The following SCOC variants were observed in gnomAD, a reference collection of about 807,000 sequenced individuals.
SCOC encodes the protein short coiled coil protein.
A neutral mutation model predicts 9.9 loss-of-function variants in SCOC; 7 were observed. That is an observed-to-expected ratio of 0.71 (90% CI 0.40 to 1.33). SCOC has a LOEUF of 1.33. Ranked by LOEUF, SCOC falls within the 40% of genes most tolerant of loss-of-function variation. SCOC has a pLI of 0.01. For missense variants in SCOC, 66 were observed against 89.7 expected, an observed-to-expected ratio of 0.74 and a Z score of 1.07; for synonymous variants, 19 against 28.2, an observed-to-expected ratio of 0.67 and a Z score of 1.03.
intron 1 of SCOC, among the ~76,000 whole-genome samples, chr4:140,313,216 T>C (rs1293715636): frequency 6.6e-6 from 1 of 152,202 alleles, no homozygotes; most frequent in Non-Finnish European, 1.5e-5. Flanking sequence ...CTGAAGTTTA[T>C]CCTGTAAGCA....
chr4:140,292,609 C>G (rs1193551452), intron 1 of SCOC, among the ~76,000 whole-genome samples: 1 of 152,184 alleles, frequency 6.6e-6, no homozygotes, highest in African/African-American at 2.4e-5. Flanking sequence ...GAAATTTCAT[C>G]TTAGTTATTG....
chr4:140,370,787 T>TA (rs2126579723), upstream of SCOC, among the ~76,000 whole-genome samples: 1 of 152,350 alleles, frequency 6.6e-6, no homozygotes, highest in Non-Finnish European at 1.5e-5. Context: ...AAACATTTTT[T>TA]AAAAACCTTT....
At chr4:140,267,695 G>A (rs577323554) in intron 1 of SCOC, among the ~76,000 whole-genome samples, 11 of 152,166 alleles carry the variant, frequency 7.2e-5, no homozygotes, top group East Asian at 3.9e-4. Context: ...TGGAGACTCC[G>A]CGAGGCACCC....
At chr4:140,311,496 G>T (rs1732154501) in intron 1 of SCOC, among the ~76,000 whole-genome samples, 1 of 152,114 alleles carries the variant, frequency 6.6e-6, no homozygotes, top group Admixed American at 6.5e-5. Flanking sequence ...CATCCTAGAT[G>T]AATTCTTAGG....
chr4:140,381,241 A>C lies in SCOC; in HGVS notation c.*137A>C, dbSNP rs1728563363. On this transcript the variant is annotated 3_prime_UTR_variant, in exon 4 of 4. Transcript: ENST00000608372. ...GATAATGTCAGATGTAGACAAAAAT[A>C]ACACAATAACAGGAGACTTCCATAA... 3 of 771,590 alleles carry C rather than the reference A, an allele frequency of 3.9e-6. No individual in the cohort carries two copies. The highest frequency in any genetic ancestry group is 1.8e-5 in the African/African-American group (1 of 55,182). 47.8% of individuals were successfully genotyped at this position (771,590 alleles called of 1,614,324 possible). A position where few individuals can be genotyped will look rare whatever the true frequency, so the allele number is the denominator to read the frequency against.
chr4:140,361,854 CT>C (rs1218172077), intron 2 of SCOC, among the ~76,000 whole-genome samples: 1 of 152,110 alleles, frequency 6.6e-6, no homozygotes, highest in Non-Finnish European at 1.5e-5. Context: ...CTACAAGATA[CT>C]TTCTTGTAAT....
At chr4:140,353,560 G>A (rs1453289633) in intron 2 of SCOC, among the ~76,000 whole-genome samples, 1 of 151,996 alleles carries the variant, frequency 6.6e-6, no homozygotes, top group Non-Finnish European at 1.5e-5. Flanking sequence ...ATGGGTGCAC[G>A]CCACCACGCC....
chr4:140,348,045 G>A (rs1726814911), intron 2 of SCOC, among the ~76,000 whole-genome samples: 1 of 151,876 alleles, frequency 6.6e-6, no homozygotes, highest in African/African-American at 2.4e-5. Context: ...ATGGTTTATG[G>A]TGTACATTAT....
intron 1 of SCOC, chr4:140,285,246 CT>C: frequency 2.2e-6 from 1 of 456,694 alleles, no homozygotes; most frequent in Non-Finnish European, 4.4e-6. Flanking sequence ...TCGACATATC[CT>C]TGTAATCAGG....
At position 140,267,751 on chromosome 4, in the gene SCOC, T is replaced by C. The variant is rs1047823259; in HGVS notation, c.-19+10341T>C. On this transcript the variant is annotated intron_variant, in intron 1 of 4. Transcript: ENST00000394205. Reference sequence around the variant, plus strand: ...CTCCCTTTCCTCTGCCCCGAGGTGGTGTCAGCTTCCTGTCTTTGCAGTCTG... The same window carrying C: ...CTCCCTTTCCTCTGCCCCGAGGTGGCGTCAGCTTCCTGTCTTTGCAGTCTG... Among the ~76,000 whole-genome samples, 7 of 152,196 alleles carry C rather than the reference T, an allele frequency of 4.6e-5. No homozygotes were observed. The East Asian group carries it at 1.4e-3, about 29-fold the overall frequency.
intron 3 of SCOC, 86 bp from the exon 4 acceptor site, chr4:140,380,876 C>CCTTAAA: frequency 9.3e-7 from 1 of 1,072,560 alleles, no homozygotes; most frequent in Non-Finnish European, 1.3e-6. Context: ...TGTATTATTT[C>CCTTAAA]TTTTAAGAAT....
At chr4:140,365,357 T>C (rs1257537073) in intron 2 of SCOC, among the ~76,000 whole-genome samples, 1 of 152,088 alleles carries the variant, frequency 6.6e-6, no homozygotes, top group Admixed American at 6.6e-5. Context: ...AAATTGACAT[T>C]AGACAATCTG....
At chr4:140,292,100 A>G (rs1731491637) in intron 1 of SCOC, among the ~76,000 whole-genome samples, 1 of 150,838 alleles carries the variant, frequency 6.6e-6, no homozygotes, top group South Asian at 2.1e-4. Flanking sequence ...CAGCATCCTC[A>G]TTGACTGACC....
intron 1 of SCOC, among the ~76,000 whole-genome samples, chr4:140,309,033 T>C (rs1448462634): frequency 6.6e-6 from 1 of 152,116 alleles, no homozygotes; most frequent in Non-Finnish European, 1.5e-5. Context: ...GAGTTGGAGA[T>C]GGCCAGGGCC....
chr4:140,310,005 C>A (rs1451559665), intron 1 of SCOC, among the ~76,000 whole-genome samples: 5 of 152,176 alleles, frequency 3.3e-5, no homozygotes, highest in Admixed American at 6.5e-5. Flanking sequence ...CCTCTCTTTA[C>A]TTTCTCCCCA....
intron 1 of SCOC, among the ~76,000 whole-genome samples, chr4:140,375,326 C>A (rs533967948): frequency 6.6e-6 from 1 of 152,296 alleles, no homozygotes; most frequent in African/African-American, 2.4e-5. Flanking sequence ...GGTACTGTTG[C>A]CAACACATTG....
chr4:140,272,169 C>A (rs909448840), intron 1 of SCOC, among the ~76,000 whole-genome samples: 3 of 151,914 alleles, frequency 2.0e-5, no homozygotes, highest in Non-Finnish European at 4.4e-5. Context: ...CCACCTCAGC[C>A]CCCATGAGTA....
At chr4:140,380,480 G>A (rs746819475) in intron 3 of SCOC, among the ~76,000 whole-genome samples, 18 of 151,984 alleles carry the variant, frequency 1.2e-4, no homozygotes, top group Middle Eastern at 3.4e-3. Context: ...TTACAGGTGC[G>A]AGCCACCGTG....
intron 2 of SCOC, among the ~76,000 whole-genome samples, chr4:140,344,914 T>C (rs986739355): frequency 1.3e-5 from 2 of 152,112 alleles, no homozygotes; most frequent in Admixed American, 6.5e-5. Context: ...AATTTTTTTC[T>C]GCATGGGCTG....
Sources: gnomAD v4.1 joint callset for allele counts (sites outside exome capture counted in the v4.1 genomes callset) on GRCh38, gnomAD v4.1.1 for gene constraint, MANE v1.5 for transcripts, NCBI Gene and HGNC (gene_info 2026-07-23, HGNC 2026-07-21) for gene names.